The following DPPA4 variants were observed in gnomAD, a reference collection of about 807,000 sequenced individuals.
The protein encoded by DPPA4 is developmental pluripotency associated 4.
DPPA4 carries 22 observed loss-of-function variants against 33.7 expected under a neutral mutation model. That is an observed-to-expected ratio of 0.65 (90% CI 0.47 to 0.93). DPPA4 has a LOEUF of 0.93. Ranked by LOEUF, DPPA4 falls within the 40% of genes least tolerant of loss-of-function variation. The pLI, the probability that DPPA4 is intolerant of heterozygous loss-of-function variation, is 0.00. For missense variants in DPPA4, 340 were observed against 358.6 expected, an observed-to-expected ratio of 0.95 and a Z score of 0.42; for synonymous variants, 156 against 132.3, an observed-to-expected ratio of 1.18 and a Z score of -1.23.
At chr3:109,337,561 C>G, upstream of DPPA4, 1 of 1,587,344 alleles carries the variant, frequency 6.3e-7, no homozygotes, top group Non-Finnish European at 8.7e-7. Context: ...TTTGCAAAGT[C>G]TCCTCCCACT....
upstream of DPPA4, among the ~76,000 whole-genome samples, chr3:109,338,192 G>A (rs1708250960): frequency 6.6e-6 from 1 of 152,200 alleles, no homozygotes; most frequent in Admixed American, 6.5e-5. Context: ...TCCTCCCAAA[G>A]TGTTGGGATT....
At chr3:109,336,583 T>C (rs1708217767) in intron 1 of DPPA4, among the ~76,000 whole-genome samples, 1 of 152,128 alleles carries the variant, frequency 6.6e-6, no homozygotes. Context: ...ATTAAGGGGT[T>C]TCATTCTTTT....
chr3:109,332,119 TTGAGACAGAATCTTG>T, intron 2 of DPPA4, 88 bp from the exon 3 acceptor site: 1 of 1,298,824 alleles, frequency 7.7e-7, no homozygotes, highest in Non-Finnish European at 1.1e-6. Context: ...TTTTTCTTTT[TTGAGACAGAATCTTG>T]CTCTGTCGCC....
At chr3:109,332,379 G>A (rs1016796819) in intron 2 of DPPA4, among the ~76,000 whole-genome samples, 3 of 152,030 alleles carry the variant, frequency 2.0e-5, no homozygotes, top group East Asian at 3.9e-4. Context: ...GAGATTACAG[G>A]CCTAAGCCAC....
At position 109,332,128 on chromosome 3, in the gene DPPA4, A is replaced by G. The variant is rs1339898986; in HGVS notation, c.179-97T>C. On this transcript the variant is annotated intron_variant, in intron 2 of 6. Coordinates refer to ENST00000335658, the MANE Select transcript of DPPA4 (RefSeq NM_018189.4). ...ACTTTTTTTTTCTTTTTTGAGACAG[A>G]ATCTTGCTCTGTCGCCCGGCTGGAG... 3.3e-6 allele frequency: 4 copies of G among 1,219,986 alleles called. No individual in the cohort carries two copies. The African/African-American group carries it at 6.1e-5, about 19-fold the overall frequency. The allele number at this position is 1,219,986 out of a possible 1,614,324, so 75.6% of individuals were successfully genotyped here. A position where few individuals can be genotyped will look rare whatever the true frequency, so the allele number is the denominator to read the frequency against.
intron 1 of DPPA4, 34 bp from the exon 2 acceptor site, chr3:109,334,027 T>C (rs1708141556): frequency 6.2e-7 from 1 of 1,612,014 alleles, no homozygotes; most frequent in Non-Finnish European, 8.5e-7. Context: ...GTCATTCCTC[T>C]AGTGTCCAAA....
At chr3:109,333,705 C>G (rs1708132981) in intron 2 of DPPA4, 165 bp downstream of exon 2, 2 of 733,834 alleles carry the variant, frequency 2.7e-6, no homozygotes, top group Non-Finnish European at 4.4e-6. Flanking sequence ...CAGTGGTGAC[C>G]AAAAGATGCT....
intron 1 of DPPA4, among the ~76,000 whole-genome samples, chr3:109,336,712 T>C (rs1708222675): frequency 6.6e-6 from 1 of 152,090 alleles, no homozygotes; most frequent in Non-Finnish European, 1.5e-5. Flanking sequence ...TAAGCACCTC[T>C]TCAAAACAGA....
upstream of DPPA4, among the ~76,000 whole-genome samples, chr3:109,338,067 CT>C (rs1235430276): frequency 3.3e-5 from 5 of 151,974 alleles, no homozygotes; most frequent in African/African-American, 1.2e-4. Flanking sequence ...ATAATAGTAG[CT>C]TTTAAAGTCT....
rs1206099678 is a variant in DPPA4, at chr3:109,327,939, C to T, written c.*49G>A. On this transcript the variant is annotated 3_prime_UTR_variant, in exon 7 of 7. Transcript: ENST00000335658. ...AGCAGCACCGCAGAATCCAACTCTC[C>T]AGCTTTTCTGCCATTAATTACCATA... The T allele has an allele frequency of 2.2e-6, 3 of 1,368,256 alleles. No individual in the cohort carries two copies. The highest frequency in any genetic ancestry group is 3.1e-6 in the Non-Finnish European group (3 of 960,310). 84.8% of individuals were successfully genotyped at this position (1,368,256 alleles called of 1,614,324 possible).
At chr3:109,335,426 G>T (rs527502100) in intron 1 of DPPA4, among the ~76,000 whole-genome samples, 2 of 152,074 alleles carry the variant, frequency 1.3e-5, no homozygotes, top group Non-Finnish European at 2.9e-5. Context: ...GCGCCCAAGG[G>T]TTCCCTATTT....
intron 1 of DPPA4, 92 bp downstream of exon 1, chr3:109,337,372 T>C: frequency 1.7e-6 from 2 of 1,201,138 alleles, no homozygotes; most frequent in Non-Finnish European, 2.4e-6. Flanking sequence ...CGAAGGCACA[T>C]TCTTTTCTCC....
rs774630681 is a variant in DPPA4, at chr3:109,327,131, G to A, written c.*857C>T. ...GTTTTGATCCTGGAGTCAAACCATAGAAATCTCAGGTTATTAAGAGAACTT... is the reference window on the plus strand; with the variant it reads ...GTTTTGATCCTGGAGTCAAACCATAAAAATCTCAGGTTATTAAGAGAACTT... On this transcript the variant is annotated 3_prime_UTR_variant, in exon 7 of 7. Transcript: ENST00000335658. 1.3e-5 allele frequency: 2 copies of A among 150,300 alleles called. No homozygotes were observed. Among genetic ancestry groups the A allele is most frequent in the Admixed American group, 1.3e-4 (2 of 15,222 alleles). 9.3% of individuals were successfully genotyped at this position (150,300 alleles called of 1,614,324 possible).
In DPPA4 at chr3:109,336,880, A is replaced by G. The variant is rs191443852; in HGVS notation, c.54+584T>C. Among the ~76,000 whole-genome samples the G allele has an allele frequency of 5.9e-5, 9 of 152,262 alleles. No homozygotes were observed. In the East Asian group the frequency reaches 1.7e-3, roughly 29 times the overall value. Reference sequence around the variant, plus strand: ...CAAAAGTGAAACCCTGTTCCAAAACACAAACCTGAAAACCTAATTTTTTAA... The same window carrying G: ...CAAAAGTGAAACCCTGTTCCAAAACGCAAACCTGAAAACCTAATTTTTTAA... On this transcript the variant is annotated intron_variant, in intron 1 of 6. Transcript: ENST00000335658.
intron 1 of DPPA4, among the ~76,000 whole-genome samples, chr3:109,334,677 G>C (rs1020086780): frequency 6.6e-6 from 1 of 152,030 alleles, no homozygotes; most frequent in African/African-American, 2.4e-5. Context: ...AAAAGTTTCA[G>C]TGGTTTATTG....
rs747386277 is a variant in DPPA4, at chr3:109,331,717, A to C, written c.390+17T>G. The C allele has an allele frequency of 1.9e-6, 3 of 1,612,970 alleles. 1 individual carries two copies. On this transcript the variant is annotated intron_variant, in intron 4 of 6. Coordinates refer to ENST00000335658, the MANE Select transcript of DPPA4 (RefSeq NM_018189.4). ...AATTAGGATAAGCATTGAAACGTCC[A>C]TCCTTTAAAAAGTTACCTTTTGATT...
At chr3:109,337,805 C>A (rs981866069), upstream of DPPA4, among the ~76,000 whole-genome samples, 3 of 151,712 alleles carry the variant, frequency 2.0e-5, no homozygotes, top group Non-Finnish European at 2.9e-5. Flanking sequence ...TCCTTCAGAA[C>A]GATTCTACGG....
At chr3:109,328,738 T>C in intron 6 of DPPA4, 152 bp downstream of exon 6, 2 of 731,376 alleles carry the variant, frequency 2.7e-6, no homozygotes, top group Non-Finnish European at 4.5e-6. Context: ...TTCCTGGGGA[T>C]AAACTTAACT....
At chr3:109,328,125 C>T in intron 6 of DPPA4, 101 bp from the exon 7 acceptor site, 1 of 761,380 alleles carries the variant, frequency 1.3e-6, no homozygotes. Flanking sequence ...GCCCTTACAA[C>T]TTTAGGATCA....
Sources: allele counts gnomAD v4.1 joint callset (sites outside exome capture counted in the v4.1 genomes callset), GRCh38; gene constraint gnomAD v4.1.1; transcripts MANE v1.5; gene names NCBI Gene and HGNC (gene_info 2026-07-23, HGNC 2026-07-21).